Variants in SNX32 observed in about 807,000 individuals in gnomAD.
SNX32 encodes the protein sorting nexin 32, also known as sorting nexin-32.
A neutral mutation model predicts 57.0 loss-of-function variants in SNX32; 58 were observed. The observed-to-expected ratio is 1.02, with a 90% CI of 0.82 to 1.27. The LOEUF (loss-of-function observed/expected upper bound fraction) is 1.27, where lower values mean the gene tolerates loss of function less well. Among genes scored for constraint, SNX32 ranks in the 50% most tolerant of loss-of-function variants. The pLI is 0.00. For synonymous variants in SNX32, 262 were observed against 220.4 expected (o/e 1.19, Z -1.67); for missense variants, 589 against 541.2 (o/e 1.09, Z -0.88).
intron 9 of SNX32, 123 bp downstream of exon 9, chr11:65,851,802 G>A (rs1859206652): frequency 9.1e-7 from 1 of 1,101,890 alleles, no homozygotes; most frequent in Non-Finnish European, 1.4e-6. Context: ...CCAGTGGCAA[G>A]TTGGGCTTAC....
At position 65,849,523 on chromosome 11, in the gene SNX32, G is replaced by T. The variant is rs758941878; in HGVS notation, c.82G>T (p.Val28Leu). The stretch of plus-strand genomic sequence containing the variant: ...TCTGCAGGGAGACAGCTCCTTACAG[G>T]TGGAGATTTCTGACGCAGTGAGTGA... Reference protein sequence around the residue: ...VDLQGDSSLQVEISDAVSERD... With the variant: ...VDLQGDSSLQLEISDAVSERD... Residue 28 changes from valine (V) to leucine (L), a missense_variant, in exon 2 of 13, where the codon GTG (valine) becomes TTG (leucine). Transcript: ENST00000308342. 1 of 1,614,148 alleles carries T rather than the reference G, an allele frequency of 6.2e-7. No individual in the cohort carries two copies. The highest frequency in any genetic ancestry group is 1.1e-5 in the South Asian group (1 of 91,080).
intron 1 of SNX32, among the ~76,000 whole-genome samples, 154 bp downstream of exon 1, chr11:65,834,255 C>A (rs530676901): frequency 6.7e-6 from 1 of 150,306 alleles, no homozygotes; most frequent in African/African-American, 2.5e-5. Context: ...CTGCATGTGT[C>A]TGTTTCTCTG....
At chr11:65,844,335 C>T (rs1336536053) in intron 1 of SNX32, among the ~76,000 whole-genome samples, 1 of 151,792 alleles carries the variant, frequency 6.6e-6, no homozygotes, top group African/African-American at 2.4e-5. Flanking sequence ...CTTAATAGGT[C>T]AATTGATACG....
At chr11:65,838,761 A>G (rs1056923605) in intron 1 of SNX32, among the ~76,000 whole-genome samples, 10 of 152,162 alleles carry the variant, frequency 6.6e-5, no homozygotes, top group Non-Finnish European at 1.0e-4. Flanking sequence ...AAAAGACGAA[A>G]TCATAGATTA....
At chr11:65,852,847 C>T in intron 11 of SNX32, 26 bp from the exon 12 acceptor site, 1 of 1,613,826 alleles carries the variant, frequency 6.2e-7, no homozygotes, top group Non-Finnish European at 8.5e-7. Flanking sequence ...TGCCCGGATC[C>T]CCATGCCTCT....
chr11:65,840,287 T>C (rs1482506539), intron 1 of SNX32, among the ~76,000 whole-genome samples: 1 of 152,206 alleles, frequency 6.6e-6, no homozygotes, highest in Admixed American at 6.6e-5. Flanking sequence ...TAAGCTTCAT[T>C]AAGATACCCT....
At chr11:65,849,673 G>A (rs775004913) in intron 2 of SNX32, 91 bp downstream of exon 2, 53 of 1,177,686 alleles carry the variant, frequency 4.5e-5, no homozygotes, top group Non-Finnish European at 6.5e-5. Flanking sequence ...AACACAGCCT[G>A]TGGGCACTCT....
intron 11 of SNX32, 30 bp downstream of exon 11, chr11:65,852,819 G>C (rs751180194): frequency 9.3e-6 from 15 of 1,611,580 alleles, no homozygotes; most frequent in Non-Finnish European, 1.3e-5. Context: ...CCCCAGCCTG[G>C]GGCCACATGC....
rs1859287229 is a variant in SNX32 at position 65,853,325 on chromosome 11, G to A, written c.1202G>A (p.Gly401Glu). The stretch of plus-strand genomic sequence containing the variant: ...CGGAACACCCTTGTTGCCCTAAAGG[G>A]GGAGCCTTAGAGTAGCCAGAGCTCA... The part of the protein sequence containing the change: ...ILRNTLVALK[G>E]EP The change falls in exon 13 of 13, where the codon GGG becomes GAG. Residue 401 changes from glycine (G) to glutamate (E), a missense_variant. By Grantham distance (98) the Gly-to-Glu change is moderately conservative (BLOSUM62 -2). Coordinates refer to ENST00000308342, the MANE Select transcript of SNX32 (RefSeq NM_152760.3). 1.2e-6 allele frequency: 2 copies of A among 1,614,036 alleles called. No homozygotes were observed. Among genetic ancestry groups the A allele is most frequent in the African/African-American group, 2.7e-5 (2 of 74,992 alleles).
At position 65,851,579 on chromosome 11, in the gene SNX32, C is replaced by CA. The variant is rs890098444; in HGVS notation, c.786-60dup. 6 of 1,592,278 alleles carry CA rather than the reference C, an allele frequency of 3.8e-6. No homozygotes were observed. In the African/African-American group the frequency reaches 8.0e-5, roughly 21 times the overall value. On this transcript the variant is annotated intron_variant, in intron 8 of 12. Coordinates refer to ENST00000308342, the MANE Select transcript of SNX32 (RefSeq NM_152760.3). ...GGAGATTCCCAAGGAGAGGCTGAGACAGAGAGGCTTTGAGCTGTTCCTCAG... is the reference window on the plus strand; with the variant it reads ...GGAGATTCCCAAGGAGAGGCTGAGACAAGAGAGGCTTTGAGCTGTTCCTCAG...
At position 65,850,260 on chromosome 11, in the gene SNX32, G is replaced by A. The variant is rs894886801; in HGVS notation, c.363G>A (p.Gln121=). ...VTREEFAKMK[Q]ELEAEYLAIF... ...GGGAAGAGTTTGCCAAGATGAAGCA[G>A]GAGCTGGAAGCGTGAGTGCCCCCTC... Residue 121 remains glutamine (Q), a synonymous_variant, in exon 4 of 13, where the codon CAG becomes CAA. Transcript: ENST00000308342. 5 of 1,614,106 alleles carry A rather than the reference G, an allele frequency of 3.1e-6. No homozygotes were observed. The African/African-American group carries it at 6.7e-5, about 22-fold the overall frequency.
chr11:65,837,806 CAAGACTCTCTCAAAA>C (rs1452662690), intron 1 of SNX32, among the ~76,000 whole-genome samples: 2 of 73,586 alleles, frequency 2.7e-5, no homozygotes, highest in Non-Finnish European at 4.8e-5. Flanking sequence ...GGCAACAGGG[CAAGACTCTCTCAAAA>C]AAAAAAAAAA....
In SNX32 at chr11:65,850,567, G is replaced by A. The variant is rs775111481; in HGVS notation, c.498+13G>A. The A allele has an allele frequency of 5.6e-5, 90 of 1,595,170 alleles. 1 individual carries two copies. The highest frequency in any genetic ancestry group is 7.1e-5 in the Non-Finnish European group (83 of 1,170,562). ...ATATGGACAGGATGTGAGCTGGGCC[G>A]AATCCCTGGGGTCACCCTTGGGCCA... is the stretch of plus-strand genomic sequence containing the variant. On this transcript the variant is annotated intron_variant, in intron 5 of 12. Coordinates refer to ENST00000308342, the MANE Select transcript of SNX32 (RefSeq NM_152760.3).
chr11:65,848,828 G>A (rs1463599866), intron 1 of SNX32, among the ~76,000 whole-genome samples: 1 of 152,130 alleles, frequency 6.6e-6, no homozygotes, highest in Non-Finnish European at 1.5e-5. Context: ...AACTGAGAAA[G>A]TGCATGGGGT....
chr11:65,835,872 A>G (rs944483501), intron 1 of SNX32, among the ~76,000 whole-genome samples: 5 of 152,184 alleles, frequency 3.3e-5, no homozygotes, highest in Non-Finnish European at 1.5e-5. Context: ...GACACAAAGC[A>G]TGGAACAGAA....
Position 65,852,978 on chromosome 11 carries a change from T to C in SNX32, c.1158+20T>C. On this transcript the variant is annotated intron_variant, in intron 12 of 12. Coordinates refer to ENST00000308342, the MANE Select transcript of SNX32 (RefSeq NM_152760.3). ...GCCAAGGTGAGCCCTCCCACCTCACTGGGCCCTTGTGAAGCCTCCCACCTC... is the reference window on the plus strand; with the variant it reads ...GCCAAGGTGAGCCCTCCCACCTCACCGGGCCCTTGTGAAGCCTCCCACCTC... The C allele has an allele frequency of 6.2e-7, 1 of 1,612,960 alleles. No homozygotes were observed. Among genetic ancestry groups the C allele is most frequent in the East Asian group, 2.2e-5 (1 of 44,872 alleles).
At chr11:65,851,942 G>A (rs2134701545) in intron 9 of SNX32, among the ~76,000 whole-genome samples, 1 of 152,274 alleles carries the variant, frequency 6.6e-6, no homozygotes, top group Non-Finnish European at 1.5e-5. Context: ...ACAAGGGTGT[G>A]CCCAAACCTC....
chr11:65,846,811 C>T (rs1859010398), intron 1 of SNX32, among the ~76,000 whole-genome samples: 1 of 151,762 alleles, frequency 6.6e-6, no homozygotes, highest in South Asian at 2.1e-4. Flanking sequence ...TGGAGAAACC[C>T]CATCTCTACT....
chr11:65,834,004 G>C lies in SNX32; in HGVS notation c.-62G>C. The C allele has an allele frequency of 3.2e-6, 5 of 1,540,064 alleles. No homozygotes were observed. The highest frequency in any genetic ancestry group is 3.5e-6 in the Non-Finnish European group (4 of 1,138,918). ...CTCACTCGGTCAGTTCCTCGGGCGA[G>C]TTACGGGGACGACCTGCGGGAGCAC... On this transcript the variant is annotated 5_prime_UTR_variant, in exon 1 of 13. Transcript: ENST00000308342.
Sources: gnomAD v4.1 joint callset for allele counts (sites outside exome capture counted in the v4.1 genomes callset) on GRCh38, gnomAD v4.1.1 for gene constraint, MANE v1.5 for transcripts, NCBI Gene and HGNC (gene_info 2026-07-23, HGNC 2026-07-21) for gene names.